VSTM5: variants seen among roughly 807,000 people sequenced by gnomAD.
VSTM5 encodes V-set and transmembrane domain containing 5.
Under a neutral mutation model 20.3 loss-of-function variants are expected in VSTM5, and 21 were observed. The observed-to-expected ratio is 1.03, with a 90% CI of 0.73 to 1.49. VSTM5 has a LOEUF of 1.49. VSTM5 is among the 40% of genes most tolerant of loss of function. The probability of loss-of-function intolerance (pLI) is 0.00; values close to 1 mark genes in which losing one functional copy is unlikely to be tolerated. For synonymous variants in VSTM5, 100 were observed against 102.5 expected (o/e 0.98, Z 0.14); for missense variants, 219 against 250.0 (o/e 0.88, Z 0.84).
At chr11:93,846,249 AT>A (rs1368359815) in intron 1 of VSTM5, among the ~76,000 whole-genome samples, 9 of 151,920 alleles carry the variant, frequency 5.9e-5, no homozygotes, top group Admixed American at 3.3e-4. Flanking sequence ...GATAAGGGAT[AT>A]AGCTGTCCTT....
intron 1 of VSTM5, among the ~76,000 whole-genome samples, chr11:93,837,559 TA>T (rs1452587449): frequency 6.6e-6 from 1 of 152,038 alleles, no homozygotes; most frequent in African/African-American, 2.4e-5. Context: ...TGCCCTTTGT[TA>T]ATATCATGAC....
At chr11:93,846,118 G>A (rs78192087) in intron 1 of VSTM5, among the ~76,000 whole-genome samples, 3,107 of 152,300 alleles carry the variant, frequency 0.02, 109 homozygotes, top group African/African-American at 0.072. Flanking sequence ...GGCCTCCCGC[G>A]TAGCTGGGAC....
At chr11:93,840,245 G>C (rs1032215478) in intron 1 of VSTM5, among the ~76,000 whole-genome samples, 11 of 152,194 alleles carry the variant, frequency 7.2e-5, no homozygotes, top group Admixed American at 7.2e-4. Flanking sequence ...CAGCTAATCT[G>C]TTGTTTTCAA....
Position 93,820,885 on chromosome 11 carries a change from T to G in VSTM5, c.419-2A>C. ...AGTGCAGGTCTTCATAGAGGATCTCTATGGAGTGAGGGTGAGGGGAGGGGG... is the reference window on the plus strand; with the variant it reads ...AGTGCAGGTCTTCATAGAGGATCTCGATGGAGTGAGGGTGAGGGGAGGGGG... On this transcript the variant is annotated splice_acceptor_variant, in intron 2 of 3. Coordinates refer to ENST00000409977, the MANE Select transcript of VSTM5 (RefSeq NM_001144871.2). LOFTEE classifies it high-confidence loss of function. The G allele has an allele frequency of 6.4e-7, 1 of 1,550,814 alleles. No homozygotes were observed. Among genetic ancestry groups the G allele is most frequent in the Non-Finnish European group, 8.7e-7 (1 of 1,146,974 alleles).
chr11:93,846,259 T>C (rs1011848741), intron 1 of VSTM5, among the ~76,000 whole-genome samples: 38 of 152,194 alleles, frequency 2.5e-4, no homozygotes, highest in African/African-American at 7.5e-4. Flanking sequence ...ATAGCTGTCC[T>C]TAGGTCCTGG....
At chr11:93,839,318 GA>G (rs1239555743) in intron 1 of VSTM5, among the ~76,000 whole-genome samples, 1 of 152,224 alleles carries the variant, frequency 6.6e-6, no homozygotes, top group African/African-American at 2.4e-5. Flanking sequence ...GACTGCTGGG[GA>G]AAGGAGCTGC....
rs1944181288 is a variant in VSTM5, at chr11:93,821,113, T to C, written c.302A>G (p.Asp101Gly). 1 of 1,551,916 alleles carries C rather than the reference T, an allele frequency of 6.4e-7. No homozygotes were observed. The highest frequency in any genetic ancestry group is 1.4e-5 in the African/African-American group (1 of 73,038). Residue 101 changes from aspartate to glycine, a missense_variant, in exon 2 of 4, where the codon GAC (aspartate) becomes GGC (glycine). Coordinates refer to ENST00000409977, the MANE Select transcript of VSTM5 (RefSeq NM_001144871.2). ...GCTGAAGAGCTGGATGGAGCCGTTGTCAAAGGTGCAGACTCTGTCCTTGTG... is the reference window on the plus strand; with the variant it reads ...GCTGAAGAGCTGGATGGAGCCGTTGCCAAAGGTGCAGACTCTGTCCTTGTG... ...QSHKDRVCTF[D>G]NGSIQLFSVG...
intron 1 of VSTM5, among the ~76,000 whole-genome samples, chr11:93,839,791 T>C (rs771220072): frequency 6.6e-6 from 1 of 152,188 alleles, no homozygotes; most frequent in Non-Finnish European, 1.5e-5. Context: ...CAAAAAGATA[T>C]GTTGACGTCC....
At chr11:93,835,750 T>C (rs897876847) in intron 1 of VSTM5, among the ~76,000 whole-genome samples, 5 of 152,170 alleles carry the variant, frequency 3.3e-5, no homozygotes, top group Non-Finnish European at 7.3e-5. Context: ...TCTTCAAAGA[T>C]AAATTAAATG....
intron 1 of VSTM5, among the ~76,000 whole-genome samples, chr11:93,843,119 C>A (rs1309666337): frequency 6.6e-6 from 1 of 151,900 alleles, no homozygotes; most frequent in Non-Finnish European, 1.5e-5. Context: ...CAGGCACATG[C>A]GTAACTGGAT....
At chr11:93,837,968 G>C (rs753364330) in intron 1 of VSTM5, among the ~76,000 whole-genome samples, 2 of 152,022 alleles carry the variant, frequency 1.3e-5, no homozygotes, top group Non-Finnish European at 2.9e-5. Flanking sequence ...TGGGTGCAGA[G>C]GGTGGCACAG....
intron 1 of VSTM5, among the ~76,000 whole-genome samples, chr11:93,832,984 A>G (rs1944294491): frequency 6.6e-6 from 1 of 152,212 alleles, no homozygotes; most frequent in African/African-American, 2.4e-5. Flanking sequence ...GACAAAAAGC[A>G]GAAGTCTAGA....
chr11:93,834,803 A>G (rs1304442263), intron 1 of VSTM5, among the ~76,000 whole-genome samples: 1 of 150,592 alleles, frequency 6.6e-6, no homozygotes, highest in Non-Finnish European at 1.5e-5. Context: ...AAAAAAAAAA[A>G]TTTAAAAATA....
At chr11:93,837,893 G>A (rs752112173) in intron 1 of VSTM5, among the ~76,000 whole-genome samples, 7 of 151,938 alleles carry the variant, frequency 4.6e-5, no homozygotes, top group Non-Finnish European at 1.0e-4. Flanking sequence ...TGACTCTTAA[G>A]AGGAAGCTCA....
intron 1 of VSTM5, among the ~76,000 whole-genome samples, chr11:93,835,865 C>T (rs977961350): frequency 2.6e-5 from 4 of 152,126 alleles, no homozygotes; most frequent in East Asian, 1.9e-4. Flanking sequence ...GGCTGGAGGA[C>T]AAGACAGGGA....
rs1278105618 is a variant in VSTM5 at position 93,819,306 on chromosome 11, C to T, written c.*1263G>A. 6.6e-6 allele frequency: 1 copy of T among 152,138 alleles called. No homozygotes were observed. The highest frequency in any genetic ancestry group is 1.5e-5 in the Non-Finnish European group (1 of 68,046). 9.4% of individuals were successfully genotyped at this position (152,138 alleles called of 1,614,324 possible). On this transcript the variant is annotated 3_prime_UTR_variant, in exon 4 of 4. Transcript: ENST00000409977. ...GAGATAAGAGAATGGAAAATAAATC[C>T]ATGCCTGCTTTTAGAGCTTGTCAAA...
chr11:93,830,452 C>T (rs1296760519), intron 1 of VSTM5, among the ~76,000 whole-genome samples: 1 of 150,870 alleles, frequency 6.6e-6, no homozygotes, highest in Admixed American at 6.6e-5. Context: ...CCCAAGACCG[C>T]AAGATCGTTC....
At chr11:93,837,956 G>A (rs1944337420) in intron 1 of VSTM5, among the ~76,000 whole-genome samples, 2 of 152,034 alleles carry the variant, frequency 1.3e-5, no homozygotes, top group Non-Finnish European at 2.9e-5. Flanking sequence ...GAGATCTGCT[G>A]GTGGGTGCAG....
chr11:93,847,608 T>C (rs1202469864), intron 1 of VSTM5, among the ~76,000 whole-genome samples: 2 of 152,258 alleles, frequency 1.3e-5, no homozygotes, highest in Non-Finnish European at 2.9e-5. Flanking sequence ...ACTATCCTAC[T>C]ATAGTCTTGG....
Sources: allele counts gnomAD v4.1 joint callset (sites outside exome capture counted in the v4.1 genomes callset), GRCh38; gene constraint gnomAD v4.1.1; transcripts MANE v1.5; gene names NCBI Gene and HGNC (gene_info 2026-07-23, HGNC 2026-07-21).